Variants in CTNNA2 observed in about 807,000 individuals in gnomAD.
CTNNA2 encodes the protein catenin alpha-2.
A neutral mutation model predicts 101.0 loss-of-function variants in CTNNA2; 42 were observed. That is an observed-to-expected ratio of 0.42 (90% CI 0.32 to 0.54). The LOEUF (loss-of-function observed/expected upper bound fraction) is 0.54. Among genes scored for constraint, CTNNA2 ranks in the 20% least tolerant of loss-of-function variants. The probability of loss-of-function intolerance (pLI) is 0.14; values close to 1 mark genes in which losing one functional copy is unlikely to be tolerated. For missense variants in CTNNA2, 871 were observed against 1,223.1 expected (o/e 0.71, Z 4.29); for synonymous variants, 450 against 456.4 (o/e 0.99, Z 0.18).
chr2:80,441,386 C>T (rs1046812786), intron 9 of CTNNA2, among the ~76,000 whole-genome samples: 2 of 152,032 alleles, frequency 1.3e-5, no homozygotes, highest in South Asian at 2.1e-4. Context: ...ATTTGTGCAA[C>T]GATTTGAAGT....
chr2:80,452,821 A>G lies in CTNNA2; in HGVS notation c.1290+33220A>G, dbSNP rs75753267. On this transcript the variant is annotated intron_variant, in intron 9 of 18. Transcript: ENST00000402739. ...AACCTTGGTTAGCTGGTATCCCTGC[A>G]GTATGATAAGATCTATCATTTAGAT... Among the ~76,000 whole-genome samples the G allele has an allele frequency of 5.5e-3, 818 of 147,950 alleles. 51 individuals are homozygous for G. The highest frequency in any genetic ancestry group is 0.021 in the African/African-American group (790 of 37,466).
intron 3 of CTNNA2, among the ~76,000 whole-genome samples, chr2:79,811,283 G>C (rs1232443080): frequency 6.6e-6 from 1 of 152,148 alleles, no homozygotes; most frequent in Non-Finnish European, 1.5e-5. Flanking sequence ...GTCCAGTGAT[G>C]ATGAGCATTT....
chr2:80,405,203 G>T (rs527501811), intron 8 of CTNNA2, among the ~76,000 whole-genome samples: 1 of 152,256 alleles, frequency 6.6e-6, no homozygotes, highest in East Asian at 1.9e-4. Flanking sequence ...CAGTTTTTTA[G>T]TGTCCATTCT....
rs1401015177 is a variant in CTNNA2, at chr2:80,386,804, G to A, written c.1057-6407G>A. Among the ~76,000 whole-genome samples, 3 of 152,164 alleles carry A rather than the reference G, an allele frequency of 2.0e-5. No homozygotes were observed. In the East Asian group the frequency reaches 5.8e-4, roughly 29 times the overall value. On this transcript the variant is annotated intron_variant, in intron 7 of 18. Transcript: ENST00000402739. ...ATTCCTTATACATTCAGTCATGTCT[G>A]CAGGTCCCTTCAAGGGAAAGAAAGG... is the stretch of plus-strand genomic sequence containing the variant.
chr2:79,696,007 G>A (rs111983729), intron 2 of CTNNA2, among the ~76,000 whole-genome samples: 22,789 of 151,890 alleles, frequency 0.15, 2,139 homozygotes, highest in Admixed American at 0.23. Context: ...ACCTGCCCCA[G>A]GTCTATCCTG....
At chr2:80,501,718 G>A (rs906096306) in intron 9 of CTNNA2, among the ~76,000 whole-genome samples, 1 of 152,168 alleles carries the variant, frequency 6.6e-6, no homozygotes, top group Non-Finnish European at 1.5e-5. Flanking sequence ...AATTGGATAT[G>A]CGGGGAAAGC....
intron 2 of CTNNA2, among the ~76,000 whole-genome samples, chr2:79,199,291 G>T (rs1674002328): frequency 6.6e-6 from 1 of 152,112 alleles, no homozygotes; most frequent in East Asian, 1.9e-4. Context: ...ATCTTTGCTT[G>T]TTTAGGTAAA....
chr2:79,923,931 A>C (rs1363090534), intron 7 of CTNNA2, among the ~76,000 whole-genome samples: 1 of 152,178 alleles, frequency 6.6e-6, no homozygotes, highest in African/African-American at 2.4e-5. Flanking sequence ...TAAAAATAGA[A>C]TTAACATATG....
chr2:80,487,280 CA>C (rs57561004), intron 9 of CTNNA2, among the ~76,000 whole-genome samples: 15,212 of 68,604 alleles, frequency 0.22, 2,622 homozygotes, highest in African/African-American at 0.51. Context: ...TACTCTGTCT[CA>C]AAAAAAAAAA....
At chr2:80,603,451 C>T (rs938984337) in intron 15 of CTNNA2, 30 of 152,022 alleles carry the variant, frequency 2.0e-4, no homozygotes, top group East Asian at 1.5e-3. Context: ...CACAGGCCAA[C>T]AAAACTCTGA....
In CTNNA2 at chr2:80,619,223, T is replaced by A; in HGVS notation, c.2569T>A (p.Ser857Thr). 1 of 1,562,746 alleles carries A rather than the reference T, an allele frequency of 6.4e-7. No individual in the cohort carries two copies. Among genetic ancestry groups the A allele is most frequent in the Non-Finnish European group, 8.7e-7 (1 of 1,155,694 alleles). Residue 857 changes from serine to threonine, a missense_variant, in exon 18 of 19, where the codon TCC becomes ACC. By Grantham distance (58) the Ser-to-Thr change is moderately conservative (BLOSUM62 1). This residue lies in a region of CTNNA2 where 65 missense variants were observed against 53.3 expected (regional missense o/e 1.22). Coordinates refer to ENST00000402739, the MANE Select transcript of CTNNA2 (RefSeq NM_001282597.3). ...APIGSGSSDS[S>T]MLDSATSLIQ... ...GATCGGGAGTGGAAGCAGTGATTCC[T>A]CCATGGTGAGTAAATTGACTTTCTA...
intron 1 of CTNNA2, among the ~76,000 whole-genome samples, chr2:79,562,250 A>T (rs149885365): frequency 3.2e-4 from 49 of 152,180 alleles, no homozygotes; most frequent in African/African-American, 9.6e-4. Flanking sequence ...TCTTAATTCT[A>T]TTCTATTAAT....
At chr2:80,631,958 T>C (rs1038418687) in intron 18 of CTNNA2, among the ~76,000 whole-genome samples, 3 of 152,056 alleles carry the variant, frequency 2.0e-5, no homozygotes, top group Non-Finnish European at 4.4e-5. Flanking sequence ...TCAATATGTT[T>C]TGAATCTGGA....
intron 1 of CTNNA2, among the ~76,000 whole-genome samples, chr2:79,585,314 C>G (rs1211568730): frequency 2.0e-5 from 3 of 151,882 alleles, no homozygotes; most frequent in Non-Finnish European, 4.4e-5. Flanking sequence ...TCTGCCTTTT[C>G]TTTTCTAATT....
intron 4 of CTNNA2, among the ~76,000 whole-genome samples, chr2:79,452,041 G>A (rs1224901479): frequency 6.6e-6 from 1 of 152,062 alleles, no homozygotes; most frequent in African/African-American, 2.4e-5. Context: ...CCTCCAAGGA[G>A]GCAGTCTCAC....
intron 7 of CTNNA2, among the ~76,000 whole-genome samples, chr2:80,049,399 A>T (rs946400730): frequency 7.9e-5 from 12 of 152,198 alleles, no homozygotes; most frequent in African/African-American, 2.9e-4. Context: ...AATATAACAA[A>T]CACATAAAAT....
chr2:79,436,023 C>T (rs946297639), intron 4 of CTNNA2, among the ~76,000 whole-genome samples: 2 of 152,070 alleles, frequency 1.3e-5, no homozygotes, highest in Admixed American at 6.6e-5. Context: ...CAAAACCACA[C>T]GGGTTCCTGA....
intron 1 of CTNNA2, among the ~76,000 whole-genome samples, chr2:79,600,779 C>A (rs1359767980): frequency 6.6e-6 from 1 of 152,108 alleles, no homozygotes; most frequent in Non-Finnish European, 1.5e-5. Flanking sequence ...AAGGCAGCAG[C>A]AAATCCTATA....
intron 7 of CTNNA2, among the ~76,000 whole-genome samples, chr2:80,100,485 A>G (rs1700474621): frequency 6.6e-6 from 1 of 152,146 alleles, no homozygotes; most frequent in Admixed American, 6.5e-5. Flanking sequence ...AAGTCTTGGT[A>G]TCTTCACAGA....
Sources: allele counts gnomAD v4.1 joint callset (sites outside exome capture counted in the v4.1 genomes callset), GRCh38; gene constraint gnomAD v4.1.1; regional missense constraint gnomAD v4.1.1; transcripts MANE v1.5; gene names NCBI Gene and HGNC (gene_info 2026-07-23, HGNC 2026-07-21).